The following LYPLAL1 variants were observed in gnomAD, a reference collection of about 807,000 sequenced individuals.
LYPLAL1 encodes lysophospholipase-like protein 1.
A neutral mutation model predicts 19.7 loss-of-function variants in LYPLAL1; 23 were observed. The ratio of observed to expected loss-of-function variants is 1.17; its 90% CI spans 0.84 to 1.65. The LOEUF (loss-of-function observed/expected upper bound fraction) is 1.65. LYPLAL1 is among the 40% of genes most tolerant of loss of function. LYPLAL1 has a pLI of 0.00. For missense variants in LYPLAL1, 355 were observed against 279.4 expected (o/e 1.27, Z -1.93); for synonymous variants, 119 against 96.3 (o/e 1.24, Z -1.38).
the LYPLAL1 span, among the ~76,000 whole-genome samples, chr1:219,292,011 G>A: frequency 6.6e-6 from 1 of 152,160 alleles, no homozygotes; most frequent in South Asian, 2.1e-4. Flanking sequence ...ATATTTCTTA[G>A]TCTCCTGCTC....
chr1:219,408,790 A>C, the LYPLAL1 span, among the ~76,000 whole-genome samples: 1 of 152,158 alleles, frequency 6.6e-6, no homozygotes, highest in Non-Finnish European at 1.5e-5. Flanking sequence ...TAGGTGGTTG[A>C]GAAAAGGTCT....
chr1:219,317,288 T>C, the LYPLAL1 span, among the ~76,000 whole-genome samples: 2 of 152,196 alleles, frequency 1.3e-5, no homozygotes, highest in Non-Finnish European at 2.9e-5. Context: ...ATCTCTGGTG[T>C]CTCATCTTTC....
chr1:219,288,447 C>A, the LYPLAL1 span, among the ~76,000 whole-genome samples: 2 of 152,226 alleles, frequency 1.3e-5, no homozygotes, highest in African/African-American at 4.8e-5. Context: ...AGAAAAAGAT[C>A]AGTGACTGCC....
chr1:219,203,106 C>A (rs536807909), intron 3 of LYPLAL1, among the ~76,000 whole-genome samples: 2 of 152,052 alleles, frequency 1.3e-5, no homozygotes, highest in African/African-American at 4.8e-5. Flanking sequence ...GTTTAATAAT[C>A]TGTTCAGATT....
the LYPLAL1 span, among the ~76,000 whole-genome samples, chr1:219,345,853 A>G: frequency 2.0e-5 from 3 of 152,186 alleles, no homozygotes; most frequent in Non-Finnish European, 4.4e-5. Flanking sequence ...CTTCATTCCA[A>G]TGCTGTCCCT....
the LYPLAL1 span, among the ~76,000 whole-genome samples, chr1:219,324,102 G>C: frequency 6.6e-6 from 1 of 152,122 alleles, no homozygotes; most frequent in Non-Finnish European, 1.5e-5. Context: ...CCTTTTTCCT[G>C]CAGTGTGCAT....
chr1:219,360,597 A>G, the LYPLAL1 span, among the ~76,000 whole-genome samples: 1 of 152,188 alleles, frequency 6.6e-6, no homozygotes, highest in Non-Finnish European at 1.5e-5. Context: ...AAAGGGCCAG[A>G]ATGAAAAGGA....
At chr1:219,400,886 G>A in the LYPLAL1 span, among the ~76,000 whole-genome samples, 1 of 152,060 alleles carries the variant, frequency 6.6e-6, no homozygotes, top group Admixed American at 6.6e-5. Flanking sequence ...AAAGCATGCT[G>A]GAAAATTTCA....
At chr1:219,260,293 G>T in the LYPLAL1 span, among the ~76,000 whole-genome samples, 5 of 151,466 alleles carry the variant, frequency 3.3e-5, no homozygotes, top group African/African-American at 1.2e-4. Context: ...ACTGAATGAG[G>T]AAAAAATTGT....
Position 219,210,603 on chromosome 1 carries a change from T to G in LYPLAL1, c.433T>G (p.Phe145Val), listed in dbSNP as rs763668958. The G allele has an allele frequency of 6.2e-6, 10 of 1,610,340 alleles. No individual in the cohort carries two copies. In the East Asian group the frequency reaches 2.0e-4, roughly 32 times the overall value. Residue 145 changes from phenylalanine to valine, a missense_variant, in exon 4 of 5, where the codon TTT becomes GTT. By Grantham distance (50) the Phe-to-Val change is conservative. Coordinates refer to ENST00000366928, the MANE Select transcript of LYPLAL1 (RefSeq NM_138794.5). ...YRNHQDVAGVFALSSFLNKAS... is the reference protein window; with the variant it reads ...YRNHQDVAGVVALSSFLNKAS... Reference sequence around the variant, plus strand: ...AAATCATCAAGATGTGGCAGGAGTATTTGCTCTTTCTAGTTTTCTGAATAA... The same window carrying G: ...AAATCATCAAGATGTGGCAGGAGTAGTTGCTCTTTCTAGTTTTCTGAATAA...
At chr1:219,305,370 T>C in the LYPLAL1 span, among the ~76,000 whole-genome samples, 3 of 152,088 alleles carry the variant, frequency 2.0e-5, no homozygotes, top group African/African-American at 7.2e-5. Flanking sequence ...GCTGTTTTCA[T>C]AAGTCTTTAG....
chr1:219,266,697 G>C, the LYPLAL1 span, among the ~76,000 whole-genome samples: 1 of 152,090 alleles, frequency 6.6e-6, no homozygotes, highest in African/African-American at 2.4e-5. Context: ...ACAAACATGT[G>C]AGTAATACGT....
intron 3 of LYPLAL1, among the ~76,000 whole-genome samples, chr1:219,203,802 C>T (rs1365258842): frequency 6.6e-6 from 1 of 151,876 alleles, no homozygotes; most frequent in African/African-American, 2.4e-5. Context: ...GCTGACTAGT[C>T]AGTGTGAAGG....
At chr1:219,280,161 T>C in the LYPLAL1 span, among the ~76,000 whole-genome samples, 177 of 152,358 alleles carry the variant, frequency 1.2e-3, no homozygotes, top group African/African-American at 4.1e-3. Context: ...ATATGAAGTA[T>C]GCAGGCTTTA....
chr1:219,279,028 A>G, the LYPLAL1 span, among the ~76,000 whole-genome samples: 1 of 152,180 alleles, frequency 6.6e-6, no homozygotes, highest in African/African-American at 2.4e-5. Flanking sequence ...AAAGAGGTAC[A>G]GCCTTGTAGG....
At chr1:219,264,608 G>A in the LYPLAL1 span, among the ~76,000 whole-genome samples, 2 of 152,164 alleles carry the variant, frequency 1.3e-5, no homozygotes, top group African/African-American at 4.8e-5. Flanking sequence ...GTTGGGTTGG[G>A]GGTGGGCAGT....
chr1:219,311,290 G>C, the LYPLAL1 span, among the ~76,000 whole-genome samples: 2 of 152,126 alleles, frequency 1.3e-5, no homozygotes, highest in African/African-American at 4.8e-5. Context: ...AATATCACCT[G>C]AAAAATGGTG....
chr1:219,304,021 A>G, the LYPLAL1 span, among the ~76,000 whole-genome samples: 1 of 152,226 alleles, frequency 6.6e-6, no homozygotes, highest in Admixed American at 6.5e-5. Context: ...CAAAACAATT[A>G]TCTAATAAAT....
chr1:219,351,182 T>C, the LYPLAL1 span, among the ~76,000 whole-genome samples: 3 of 151,794 alleles, frequency 2.0e-5, no homozygotes, highest in African/African-American at 7.3e-5. Flanking sequence ...ACAGAACATA[T>C]TGGACAATTA....
Sources: allele counts gnomAD v4.1 joint callset (sites outside exome capture counted in the v4.1 genomes callset), GRCh38; gene constraint gnomAD v4.1.1; transcripts MANE v1.5; gene names NCBI Gene and HGNC (gene_info 2026-07-23, HGNC 2026-07-21).